The following DYSF variants were observed in gnomAD, a reference collection of about 807,000 sequenced individuals.
The protein encoded by DYSF is dysferlin.
DYSF carries 212 observed loss-of-function variants against 274.9 expected under a neutral mutation model. The ratio of observed to expected loss-of-function variants is 0.77; its 90% confidence interval spans 0.69 to 0.86. DYSF has a LOEUF of 0.86. Ranked by LOEUF, DYSF falls within the 40% of genes least tolerant of loss-of-function variation. The pLI is 0.00. For synonymous variants in DYSF, 1,091 were observed against 1,078.7 expected (o/e 1.01, Z -0.22); for missense variants, 2,666 against 2,783.2 (o/e 0.96, Z 0.95).
intron 1 of DYSF, among the ~76,000 whole-genome samples, chr2:71,476,889 T>G (rs1213396527): frequency 1.3e-5 from 2 of 151,978 alleles, no homozygotes; most frequent in African/African-American, 4.8e-5. Flanking sequence ...ACTATAGTTA[T>G]TTGACCTGGG....
At position 71,686,604 on chromosome 2, in the gene DYSF, T is replaced by A; in HGVS notation, c.*112T>A. The A allele has an allele frequency of 7.6e-7, 1 of 1,314,326 alleles. No homozygotes were observed. The highest frequency in any genetic ancestry group is 1.1e-6 in the Non-Finnish European group (1 of 916,368). The allele number at this position is 1,314,326 out of a possible 1,614,324, so 81.4% of individuals were successfully genotyped here. Reference sequence around the variant, plus strand: ...CCAGACCTCCTAGGCCTGATTGTCCTGCCAGGGTGGGCAGACAGACAGATG... The same window carrying A: ...CCAGACCTCCTAGGCCTGATTGTCCAGCCAGGGTGGGCAGACAGACAGATG... On this transcript the variant is annotated 3_prime_UTR_variant, in exon 56 of 56. Transcript: ENST00000410020.
intron 1 of DYSF, 96 bp downstream of exon 1, chr2:71,467,029 A>C (rs2081583594): frequency 6.8e-7 from 1 of 1,471,358 alleles, no homozygotes; most frequent in Non-Finnish European, 9.1e-7. Flanking sequence ...AGCTAACCCT[A>C]GTCCAGGCCA....
intron 3 of DYSF, among the ~76,000 whole-genome samples, chr2:71,489,572 T>C (rs2152693842): frequency 6.6e-6 from 1 of 152,302 alleles, no homozygotes; most frequent in Admixed American, 6.5e-5. Context: ...GTTTCATTTG[T>C]TGAGGGAATG....
At chr2:71,676,571 T>G (rs2095225825) in intron 52 of DYSF, among the ~76,000 whole-genome samples, 1 of 152,100 alleles carries the variant, frequency 6.6e-6, no homozygotes, top group African/African-American at 2.4e-5. Context: ...TTTGTGAATT[T>G]ATGGCATCAA....
intron 42 of DYSF, among the ~76,000 whole-genome samples, chr2:71,646,671 C>G (rs975523792): frequency 2.0e-5 from 3 of 151,996 alleles, no homozygotes; most frequent in Non-Finnish European, 4.4e-5. Flanking sequence ...AAAGACACAA[C>G]AAGAAAGCAT....
In DYSF at chr2:71,520,870, G is replaced by A; in HGVS notation, c.1115G>A (p.Ser372Asn). 2 of 1,614,126 alleles carry A rather than the reference G, an allele frequency of 1.2e-6. No homozygotes were observed. The highest frequency in any genetic ancestry group is 1.7e-6 in the Non-Finnish European group (2 of 1,180,010). The change falls in exon 12 of 56, where the codon AGC becomes AAC. Residue 372 changes from serine to asparagine, a missense_variant. Around this residue, in one of 3 missense-constraint regions of DYSF, gnomAD observed 794 missense variants for 777.1 expected, o/e 1.02. Coordinates refer to ENST00000410020, the MANE Select transcript of DYSF (RefSeq NM_001130987.2). ...GGGGCCAGAGGCTACCTGAAAACAA[G>A]CCTTTGTGTGCTGGGGCCTGGGGAC... ...SAGARGYLKT[S>N]LCVLGPGDEA...
At chr2:71,639,889 T>A (rs2094460941) in intron 41 of DYSF, among the ~76,000 whole-genome samples, 1 of 152,226 alleles carries the variant, frequency 6.6e-6, no homozygotes, top group Non-Finnish European at 1.5e-5. Flanking sequence ...ACCAGGTCTA[T>A]GCAACAACAG....
At chr2:71,627,117 T>C (rs1404901846) in intron 41 of DYSF, among the ~76,000 whole-genome samples, 1 of 151,642 alleles carries the variant, frequency 6.6e-6, no homozygotes, top group African/African-American at 2.4e-5. Flanking sequence ...TATTTCCTTA[T>C]TTTATAATTT....
At chr2:71,554,619 A>C (rs973284395) in intron 21 of DYSF, among the ~76,000 whole-genome samples, 2 of 152,136 alleles carry the variant, frequency 1.3e-5, no homozygotes, top group African/African-American at 4.8e-5. Flanking sequence ...CTTGGGGGGA[A>C]ATTGCAGGAC....
At chr2:71,500,010 C>T (rs556005508) in intron 3 of DYSF, among the ~76,000 whole-genome samples, 176 of 152,232 alleles carry the variant, frequency 1.2e-3, no homozygotes, top group Non-Finnish European at 2.2e-3. Flanking sequence ...TGGTTGGTGC[C>T]GACTGAGAGT....
chr2:71,637,531 G>A (rs1019282279), intron 41 of DYSF, among the ~76,000 whole-genome samples: 1 of 152,158 alleles, frequency 6.6e-6, no homozygotes, highest in Non-Finnish European at 1.5e-5. Context: ...GAGAAGGGGC[G>A]AGTAAAGGGC....
At chr2:71,518,588 G>C (rs2086901845) in intron 10 of DYSF, among the ~76,000 whole-genome samples, 1 of 151,786 alleles carries the variant, frequency 6.6e-6, no homozygotes, top group Non-Finnish European at 1.5e-5. Context: ...AATGTAATTT[G>C]ATGTAATTGT....
At chr2:71,668,526 A>G (rs2095058196) in intron 48 of DYSF, among the ~76,000 whole-genome samples, 2 of 152,144 alleles carry the variant, frequency 1.3e-5, no homozygotes, top group Non-Finnish European at 2.9e-5. Flanking sequence ...ATCTCTGAGA[A>G]GCCCACCCTG....
intron 3 of DYSF, among the ~76,000 whole-genome samples, chr2:71,497,254 C>A (rs1449879363): frequency 3.9e-5 from 6 of 151,954 alleles, no homozygotes; most frequent in Admixed American, 1.3e-4. Flanking sequence ...TCAGCCTCCT[C>A]GAAAATTCAG....
chr2:71,506,425 G>A (rs753421591), intron 4 of DYSF, among the ~76,000 whole-genome samples: 5 of 152,148 alleles, frequency 3.3e-5, no homozygotes, highest in Admixed American at 2.0e-4. Context: ...CCAGGGCAGC[G>A]TGTTTGGTGG....
At chr2:71,562,315 A>G (rs1201670325) in intron 23 of DYSF, among the ~76,000 whole-genome samples, 26 of 152,150 alleles carry the variant, frequency 1.7e-4, no homozygotes, top group Admixed American at 1.4e-3. Context: ...CCTGCCAGCC[A>G]GTGCCTGTCT....
rs201993768 is a variant in DYSF at position 71,574,192 on chromosome 2, G to C, written c.3229-6G>C. ...GGCCTCTGAGTCTGCCCCTTCTCTT[G>C]TGCAGCACAGGCAGGCGGAGGCGGA... On this transcript the variant is annotated splice_polypyrimidine_tract_variant and splice_region_variant and intron_variant, in intron 29 of 55. Transcript: ENST00000410020. 17 of 1,613,654 alleles carry C rather than the reference G, an allele frequency of 1.1e-5. No homozygotes were observed. In the African/African-American group the frequency reaches 2.3e-4, roughly 21 times the overall value.
intron 2 of DYSF, among the ~76,000 whole-genome samples, chr2:71,481,187 A>G (rs578042334): frequency 1.3e-5 from 2 of 152,328 alleles, no homozygotes; most frequent in African/African-American, 4.8e-5. Context: ...AGCTCTGGCC[A>G]GCCAGGTAAA....
In DYSF at chr2:71,598,544, CCCCTCTCCGG is replaced by C. The variant is rs2093461917; in HGVS notation, c.3575-16_3575-7del. 1.2e-6 allele frequency: 2 copies of C among 1,614,124 alleles called. No homozygotes were observed. The highest frequency in any genetic ancestry group is 1.7e-4 in the Middle Eastern group (1 of 6,060). On this transcript the variant is annotated splice_polypyrimidine_tract_variant and intron_variant, in intron 32 of 55. Coordinates refer to ENST00000410020, the MANE Select transcript of DYSF (RefSeq NM_001130987.2). ...TCCCTGCTGTGTCCTGTCTCCCCTC[CCCCTCTCCGG>C]CCCATGCAGATCCCTATGCCATCGT...
Sources: gnomAD v4.1 joint callset for allele counts (sites outside exome capture counted in the v4.1 genomes callset) on GRCh38, gnomAD v4.1.1 for gene constraint, gnomAD v4.1.1 regional missense constraint, MANE v1.5 for transcripts, NCBI Gene and HGNC (gene_info 2026-07-23, HGNC 2026-07-21) for gene names.